XPNPEP2: variants seen among roughly 807,000 people sequenced by gnomAD.
XPNPEP2 encodes the protein X-prolyl aminopeptidase 2, also known as xaa-Pro aminopeptidase 2.
XPNPEP2 carries 64 observed loss-of-function variants against 59.8 expected under a neutral mutation model. The observed-to-expected ratio is 1.07, with a 90% CI of 0.87 to 1.32. The LOEUF is 1.32. Among genes scored for constraint, XPNPEP2 ranks in the 40% most tolerant of loss-of-function variants. XPNPEP2 has a pLI of 0.00. For missense variants in XPNPEP2, 575 were observed against 546.8 expected (o/e 1.05, Z -0.51); for synonymous variants, 235 against 210.0 (o/e 1.12, Z -1.03).
chrX:129,766,535 G>A (rs1431978842), intron 19 of XPNPEP2, among the ~76,000 whole-genome samples: 1 of 109,842 alleles, frequency 9.1e-6, no homozygotes, highest in Non-Finnish European at 1.9e-5. Context: ...TAGAGACAGG[G>A]TCTCACTCTG....
intron 1 of XPNPEP2, among the ~76,000 whole-genome samples, chrX:129,739,864 A>T (rs769863051): frequency 8.9e-6 from 1 of 112,620 alleles, no homozygotes; most frequent in African/African-American, 3.2e-5. Flanking sequence ...TTTGGTCAGG[A>T]AGAGAGTCTT....
intron 2 of XPNPEP2, 28 bp downstream of exon 2, chrX:129,742,209 G>GC (rs746067839): frequency 1.6e-5 from 15 of 915,963 alleles, no homozygotes; most frequent in East Asian, 1.5e-4. Flanking sequence ...CCCGCGCACG[G>GC]CCCCCCTGGC....
intron 1 of XPNPEP2, among the ~76,000 whole-genome samples, chrX:129,740,543 C>T (rs1292851040): frequency 1.8e-5 from 2 of 110,048 alleles, no homozygotes; most frequent in Admixed American, 9.6e-5. Flanking sequence ...GCAGGAGAAT[C>T]GCTTGAACTC....
intron 14 of XPNPEP2, among the ~76,000 whole-genome samples, chrX:129,757,893 G>GAAAGAAAGAA (rs1245300991): frequency 1.7e-4 from 9 of 51,779 alleles, no homozygotes; most frequent in Non-Finnish European, 2.3e-4. Context: ...GAGAGAGAGA[G>GAAAGAAAGAA]AGAAAGAAAG....
chrX:129,757,832 A>AAAGAAAG lies in XPNPEP2; in HGVS notation c.1367+1280_1367+1286dup, dbSNP rs750220721. On this transcript the variant is annotated intron_variant, in intron 14 of 20. Coordinates refer to ENST00000371106, the MANE Select transcript of XPNPEP2 (RefSeq NM_003399.6). ...GAAAGAAAGAAAGAAAGAAAGAAAG[A>AAAGAAAG]AAGAAAGAAAGAAAGAAAGAAAGAA... 9.2e-3 allele frequency among the ~76,000 whole-genome samples: 821 copies of AAAGAAAG among 89,380 alleles called. 13 individuals carry two copies. The highest frequency in any genetic ancestry group is 0.014 in the Non-Finnish European group (655 of 46,466). 77.6% of individuals were successfully genotyped at this position (89,380 alleles called of 115,157 possible). A position where few individuals can be genotyped will look rare whatever the true frequency, so the allele number is the denominator to read the frequency against.
At chrX:129,756,120 C>A (rs961932584) in intron 13 of XPNPEP2, among the ~76,000 whole-genome samples, 11 of 112,681 alleles carry the variant, frequency 9.8e-5, no homozygotes, top group Non-Finnish European at 1.5e-4. Flanking sequence ...CAGCTCTTTG[C>A]CGCTTTACCG....
At chrX:129,760,652 G>A in intron 16 of XPNPEP2, 71 bp downstream of exon 16, 3 of 1,069,808 alleles carry the variant, frequency 2.8e-6, no homozygotes, top group South Asian at 2.0e-5. Flanking sequence ...ATCACCCTGG[G>A]AGGCTGGTGG....
chrX:129,756,304 G>A (rs750159973), intron 13 of XPNPEP2, among the ~76,000 whole-genome samples, 180 bp from the exon 14 acceptor site: 1 of 111,763 alleles, frequency 8.9e-6, no homozygotes, highest in Non-Finnish European at 1.9e-5. Context: ...ATTAACAGAC[G>A]TGTGCTGAGG....
At chrX:129,765,566 A>G (rs1173455719) in intron 19 of XPNPEP2, among the ~76,000 whole-genome samples, 1 of 108,743 alleles carries the variant, frequency 9.2e-6, no homozygotes, top group Non-Finnish European at 1.9e-5. Flanking sequence ...TAATTTTTCC[A>G]ATCTGATAGG....
chrX:129,753,075 C>A, intron 10 of XPNPEP2, 84 bp from the exon 11 acceptor site: 1 of 802,656 alleles, frequency 1.2e-6, no homozygotes, highest in Non-Finnish European at 1.9e-6. Context: ...CCTCTGAAAA[C>A]ACCCCTGTGC....
chrX:129,757,017 TATATATAC>T (rs1378871339), intron 14 of XPNPEP2, among the ~76,000 whole-genome samples: 20 of 89,222 alleles, frequency 2.2e-4, no homozygotes, highest in African/African-American at 8.7e-4. Context: ...TATATATATA[TATATATAC>T]ACACACACAC....
intron 16 of XPNPEP2, among the ~76,000 whole-genome samples, 174 bp from the exon 17 acceptor site, chrX:129,760,998 T>G (rs1047211158): frequency 1.8e-5 from 2 of 112,136 alleles, no homozygotes; most frequent in Admixed American, 1.9e-4. Flanking sequence ...AACCACTAAC[T>G]CCATCCATCA....
rs372393203 is a variant in XPNPEP2, at chrX:129,746,697, A to G, written c.490+16A>G. 3.5e-5 allele frequency: 42 copies of G among 1,195,320 alleles called. No homozygotes were observed. The highest frequency in any genetic ancestry group is 4.4e-5 in the Non-Finnish European group (39 of 882,770). ...TTGTCCATTGGTATGCTCTTCCTTC[A>G]GTCCCTGAATTTGTCCATGCTAACG... On this transcript the variant is annotated intron_variant, in intron 6 of 20. Transcript: ENST00000371106.
intron 1 of XPNPEP2, among the ~76,000 whole-genome samples, chrX:129,741,065 G>A (rs771027698): frequency 4.6e-5 from 5 of 108,575 alleles, no homozygotes; most frequent in South Asian, 8.2e-4. Context: ...ATCAGAGACC[G>A]CTTTGTCTAA....
Position 129,751,732 on chromosome X carries a change from A to T in XPNPEP2, c.740-13A>T, listed in dbSNP as rs372553197. 2.4e-5 allele frequency: 29 copies of T among 1,200,374 alleles called. 1 individual carries two copies. In the African/African-American group the frequency reaches 4.6e-4, roughly 19 times the overall value. On this transcript the variant is annotated splice_polypyrimidine_tract_variant and intron_variant, in intron 8 of 20. Transcript: ENST00000371106. ...GATCAGCATTAAATATTCCTTGTCA[A>T]TTCTCTTCCCAGGGCTCTTCAACCT... is the stretch of plus-strand genomic sequence containing the variant.
chrX:129,760,794 C>T (rs1258057768), intron 16 of XPNPEP2, among the ~76,000 whole-genome samples: 1 of 112,164 alleles, frequency 8.9e-6, no homozygotes, highest in Non-Finnish European at 1.9e-5. Flanking sequence ...TTTCCTGCCT[C>T]TTAATCTAAC....
At chrX:129,749,401 G>C (rs900856854) in intron 7 of XPNPEP2, among the ~76,000 whole-genome samples, 3 of 112,773 alleles carry the variant, frequency 2.7e-5, no homozygotes, top group African/African-American at 9.7e-5. Flanking sequence ...TATGTTTTAT[G>C]TTATGTGTAA....
intron 10 of XPNPEP2, 94 bp from the exon 11 acceptor site, chrX:129,753,065 C>A: frequency 1.4e-6 from 1 of 708,187 alleles, no homozygotes; most frequent in South Asian, 2.3e-5. Context: ...TCCTGCCAGT[C>A]CTCTGAAAAC....
intron 4 of XPNPEP2, 42 bp from the exon 5 acceptor site, chrX:129,746,194 T>C: frequency 8.7e-7 from 1 of 1,148,036 alleles, no homozygotes; most frequent in Non-Finnish European, 1.2e-6. Flanking sequence ...GCCACGTTCC[T>C]CCCCTTCACC....
Sources: allele counts gnomAD v4.1 joint callset (sites outside exome capture counted in the v4.1 genomes callset), GRCh38; gene constraint gnomAD v4.1.1; transcripts MANE v1.5; gene names NCBI Gene and HGNC (gene_info 2026-07-23, HGNC 2026-07-21).